The following MLXIP variants were observed in gnomAD, a reference collection of about 807,000 sequenced individuals.
MLXIP encodes MLX interacting protein, also known as MLX-interacting protein.
In MLXIP, 30 loss-of-function variants were observed where a neutral mutation model predicts 87.2. The ratio of observed to expected loss-of-function variants is 0.34; its 90% CI spans 0.26 to 0.47. The LOEUF is 0.47. MLXIP is among the 20% of genes least tolerant of loss of function. The pLI, the probability that MLXIP is intolerant of heterozygous loss-of-function variation, is 1.00. For synonymous variants in MLXIP, 530 were observed against 514.0 expected (o/e 1.03, Z -0.42); for missense variants, 1,002 against 1,240.1 (o/e 0.81, Z 2.88).
At chr12:122,126,772 G>A (rs1228105420) in intron 1 of MLXIP, among the ~76,000 whole-genome samples, 1 of 152,238 alleles carries the variant, frequency 6.6e-6, no homozygotes, top group African/African-American at 2.4e-5. Context: ...ACCAGTTGCT[G>A]TGTGACCCAT....
At chr12:122,100,368 G>A (rs1952418890) in intron 1 of MLXIP, among the ~76,000 whole-genome samples, 1 of 152,088 alleles carries the variant, frequency 6.6e-6, no homozygotes, top group Non-Finnish European at 1.5e-5. Flanking sequence ...ATATTAACCA[G>A]TTTTCTAGAT....
At chr12:122,108,495 C>T (rs28569273) in intron 1 of MLXIP, among the ~76,000 whole-genome samples, 65,627 of 151,622 alleles carry the variant, frequency 0.43, 14,540 homozygotes, top group Middle Eastern at 0.62. Context: ...GTACATAACA[C>T]GAGGACTGAA....
chr12:122,095,348 GT>G (rs1952336388), intron 1 of MLXIP, among the ~76,000 whole-genome samples: 1 of 151,958 alleles, frequency 6.6e-6, no homozygotes. Flanking sequence ...CTTAGTGCTT[GT>G]GCGGCCGCCT....
rs1403503269 is a variant in MLXIP, at chr12:122,144,457, G to C, written c.*2645G>C. 1 of 151,414 alleles carries C rather than the reference G, an allele frequency of 6.6e-6. No homozygotes were observed. Among genetic ancestry groups the C allele is most frequent in the Non-Finnish European group, 1.5e-5 (1 of 68,002 alleles). 9.4% of individuals were successfully genotyped at this position (151,414 alleles called of 1,614,324 possible). On this transcript the variant is annotated 3_prime_UTR_variant, in exon 17 of 17. Coordinates refer to ENST00000319080, the MANE Select transcript of MLXIP (RefSeq NM_014938.6). ...AAAAAAAAAAATTTAGCCGTGTGTA[G>C]CAGTGAGTGCCTGTGGTCCCAGCTA...
At chr12:122,122,635 A>G (rs11061156) in intron 1 of MLXIP, among the ~76,000 whole-genome samples, 76,438 of 151,392 alleles carry the variant, frequency 0.5, 19,787 homozygotes, top group Middle Eastern at 0.64. Flanking sequence ...TCCGCCTCCC[A>G]GGTTCACGCC....
At chr12:122,116,245 G>A (rs561397793) in intron 1 of MLXIP, among the ~76,000 whole-genome samples, 3 of 151,972 alleles carry the variant, frequency 2.0e-5, no homozygotes, top group African/African-American at 7.2e-5. Flanking sequence ...TTCCATTTGT[G>A]TGACTTCCTG....
intron 1 of MLXIP, among the ~76,000 whole-genome samples, chr12:122,080,505 C>G (rs148402974): frequency 2.0e-5 from 3 of 152,190 alleles, no homozygotes; most frequent in Admixed American, 6.5e-5. Flanking sequence ...TGGCACCCCC[C>G]TCACCGCCGC....
chr12:122,133,256 C>T lies in MLXIP; in HGVS notation c.1093-92C>T, dbSNP rs1197253313. 10 of 1,438,242 alleles carry T rather than the reference C, an allele frequency of 7.0e-6. No individual in the cohort carries two copies. The highest frequency in any genetic ancestry group is 4.2e-5 in the South Asian group (3 of 71,766). 89.1% of individuals were successfully genotyped at this position (1,438,242 alleles called of 1,614,324 possible). The stretch of plus-strand genomic sequence containing the variant: ...GCCTTTGTCCCTCTGTCCCAGCGCC[C>T]GGCCTGTGTAGTTGGACTTGGCAGT... On this transcript the variant is annotated intron_variant, in intron 8 of 16. Transcript: ENST00000319080. The surrounding 1 kb of genome is among the most constrained non-coding windows in gnomAD (Gnocchi z 4.9).
rs1378565473 is a variant in MLXIP at position 122,095,905 on chromosome 12, G to A, written c.413+16639G>A. Reference sequence around the variant, plus strand: ...TTTTGAGACAGAATCTCGCTCTGTCGCCAGGCTGGAGTGCAGTGGCGCGAT... The same window carrying A: ...TTTTGAGACAGAATCTCGCTCTGTCACCAGGCTGGAGTGCAGTGGCGCGAT... On this transcript the variant is annotated intron_variant, in intron 1 of 16. Coordinates refer to ENST00000319080, the MANE Select transcript of MLXIP (RefSeq NM_014938.6). 2.7e-5 allele frequency among the ~76,000 whole-genome samples: 4 copies of A among 150,200 alleles called. No homozygotes were observed. In the South Asian group the frequency reaches 6.3e-4, roughly 24 times the overall value.
intron 1 of MLXIP, among the ~76,000 whole-genome samples, chr12:122,092,757 CTA>C (rs1952265604): frequency 6.6e-6 from 1 of 152,192 alleles, no homozygotes. Flanking sequence ...ACTTTGAACT[CTA>C]TAAACGGTTG....
chr12:122,094,394 GGTGTGTGGT>G (rs1460870495), intron 1 of MLXIP, among the ~76,000 whole-genome samples: 87 of 141,700 alleles, frequency 6.1e-4, no homozygotes, highest in African/African-American at 1.8e-3. Context: ...GTGTGGTGTT[GGTGTGTGGT>G]GTGTGTGGTG....
chr12:122,095,108 TGGTG>T (rs1413311401), intron 1 of MLXIP, among the ~76,000 whole-genome samples: 3 of 143,824 alleles, frequency 2.1e-5, no homozygotes, highest in Admixed American at 6.9e-5. Context: ...TGGTATGTGT[TGGTG>T]TGTGTGGGGT....
chr12:122,137,704 C>G lies in MLXIP; in HGVS notation c.2154+114C>G. On this transcript the variant is annotated intron_variant, in intron 12 of 16. Transcript: ENST00000319080. The surrounding 1 kb of genome is among the most constrained non-coding windows in gnomAD (Gnocchi z 4.1). ...TCAGACCCAGCCAGAGCTGCCCAGG[C>G]AGGGGTGGATCAGAAATGGGCTTCT... The G allele has an allele frequency of 6.7e-7, 1 of 1,496,504 alleles. No homozygotes were observed. Among genetic ancestry groups the G allele is most frequent in the Non-Finnish European group, 9.0e-7 (1 of 1,105,894 alleles). 92.7% of individuals were successfully genotyped at this position (1,496,504 alleles called of 1,614,324 possible). A position where few individuals can be genotyped will look rare whatever the true frequency, so the allele number is the denominator to read the frequency against.
intron 1 of MLXIP, among the ~76,000 whole-genome samples, chr12:122,126,395 AGGAATCAGCAGCAGCCT>A (rs1952882016): frequency 6.6e-6 from 1 of 152,224 alleles, no homozygotes; most frequent in South Asian, 2.1e-4. Context: ...GGGGCCCTGA[AGGAATCAGCAGCAGCCT>A]GGGAGAGGCC....
chr12:122,086,354 A>G (rs1952168315), intron 1 of MLXIP, among the ~76,000 whole-genome samples: 1 of 152,162 alleles, frequency 6.6e-6, no homozygotes, highest in South Asian at 2.1e-4. Flanking sequence ...CTTAAGATTG[A>G]GCTATGCCGT....
chr12:122,088,001 G>T (rs941310175), intron 1 of MLXIP, among the ~76,000 whole-genome samples: 1 of 152,224 alleles, frequency 6.6e-6, no homozygotes, highest in African/African-American at 2.4e-5. Flanking sequence ...TGAAGCTGGG[G>T]TATGTCACGC....
At chr12:122,134,179 CTCTA>C (rs1953038985) in intron 9 of MLXIP, 192 bp downstream of exon 9, 6 of 698,940 alleles carry the variant, frequency 8.6e-6, no homozygotes, top group East Asian at 6.2e-5. Context: ...GTTTTCTATG[CTCTA>C]TCTTTTTTGT....
intron 15 of MLXIP, among the ~76,000 whole-genome samples, chr12:122,139,506 C>T (rs1483662524): frequency 6.6e-6 from 1 of 152,192 alleles, no homozygotes; most frequent in African/African-American, 2.4e-5. Flanking sequence ...CACCGCTCTG[C>T]CTCTGAGTAA....
chr12:122,119,945 C>T (rs566199523), intron 1 of MLXIP, among the ~76,000 whole-genome samples: 12 of 152,284 alleles, frequency 7.9e-5, no homozygotes, highest in African/African-American at 2.9e-4. Context: ...ATCCCCAGCA[C>T]CAGCTTAGTG....
Sources: allele counts gnomAD v4.1 joint callset (sites outside exome capture counted in the v4.1 genomes callset), GRCh38; gene constraint gnomAD v4.1.1; non-coding constraint Gnocchi (gnomAD v3.1); transcripts MANE v1.5; gene names NCBI Gene and HGNC (gene_info 2026-07-23, HGNC 2026-07-21).